NRG1: variants seen among roughly 807,000 people sequenced by gnomAD.
NRG1 encodes neuregulin 1, also known as pro-neuregulin-1, membrane-bound isoform.
A neutral mutation model predicts 63.8 loss-of-function variants in NRG1; 18 were observed. The observed-to-expected ratio is 0.28, with a 90% confidence interval of 0.19 to 0.42. The LOEUF (loss-of-function observed/expected upper bound fraction) is 0.42, where lower values mean the gene tolerates loss of function less well. Among genes scored for constraint, NRG1 ranks in the 10% least tolerant of loss-of-function variants. The pLI, the probability that NRG1 is intolerant of heterozygous loss-of-function variation, is 1.00. For missense variants in NRG1, 762 were observed against 814.7 expected (o/e 0.94, Z 0.79); for synonymous variants, 302 against 301.3 (o/e 1.00, Z -0.02).
intron 1 of NRG1, among the ~76,000 whole-genome samples, chr8:31,989,065 A>G (rs2010267): frequency 0.73 from 110,364 of 151,170 alleles, 41,331 homozygotes; most frequent in Non-Finnish European, 0.82. Flanking sequence ...CCTATCCAAC[A>G]TGGTAAAACC....
chr8:31,720,746 T>G (rs1455053287), intron 1 of NRG1, among the ~76,000 whole-genome samples: 1 of 152,174 alleles, frequency 6.6e-6, no homozygotes, highest in Non-Finnish European at 1.5e-5. Flanking sequence ...AAAGGAACAA[T>G]GCAGAGTTTA....
intron 1 of NRG1, among the ~76,000 whole-genome samples, chr8:31,672,060 G>T (rs2131003751): frequency 6.6e-6 from 1 of 152,168 alleles, no homozygotes; most frequent in East Asian, 1.9e-4. Context: ...TGTCTATTTG[G>T]ATTTGCTCAT....
At chr8:31,949,737 A>G (rs1803175064) in intron 1 of NRG1, among the ~76,000 whole-genome samples, 1 of 152,138 alleles carries the variant, frequency 6.6e-6, no homozygotes, top group Non-Finnish European at 1.5e-5. Flanking sequence ...CATTGTTGGT[A>G]CCACGTACAT....
chr8:32,756,472 C>T (rs768883572), exon 9 of NRG1: 1 of 1,613,746 alleles, frequency 6.2e-7, no homozygotes, highest in South Asian at 1.1e-5. Context: ...ATATGATGAA[C>T]ATTGCCAATG....
chr8:31,861,649 G>A (rs879658181), intron 1 of NRG1, among the ~76,000 whole-genome samples: 9 of 152,132 alleles, frequency 5.9e-5, no homozygotes, highest in East Asian at 1.9e-4. Context: ...GTAGGCACAG[G>A]CAAAGCCTAG....
intron 1 of NRG1, among the ~76,000 whole-genome samples, chr8:31,652,096 T>C (rs1367633187): frequency 6.6e-6 from 1 of 152,218 alleles, no homozygotes; most frequent in Non-Finnish European, 1.5e-5. Context: ...TGGTCGACAC[T>C]TATTTGGTGC....
At chr8:31,675,640 G>T (rs1308675741) in intron 1 of NRG1, among the ~76,000 whole-genome samples, 1 of 152,068 alleles carries the variant, frequency 6.6e-6, no homozygotes, top group African/African-American at 2.4e-5. Flanking sequence ...AAAACACTGG[G>T]CATCATTGTA....
intron 1 of NRG1, among the ~76,000 whole-genome samples, chr8:32,235,578 A>C (rs1847461191): frequency 6.6e-6 from 1 of 152,160 alleles, no homozygotes; most frequent in Admixed American, 6.5e-5. Context: ...ATGAGACCAG[A>C]AGGGGTCATT....
At position 32,637,744 on chromosome 8, in the gene NRG1, C is replaced by T. The variant is rs540893665; in HGVS notation, c.502+20859C>T. Among the ~76,000 whole-genome samples, 15 of 152,326 alleles carry T rather than the reference C, an allele frequency of 9.8e-5. No individual in the cohort carries two copies. In the South Asian group the frequency reaches 2.1e-3, roughly 21 times the overall value. On this transcript the variant is annotated intron_variant, in intron 5 of 11. Coordinates refer to ENST00000356819, the Ensembl canonical transcript of NRG1. ...TCCCACAATTCAGGTAGCGTCTAAT[C>T]TCCAGCCTGTTCTCAGGGGAAGTTG...
chr8:32,283,249 T>C (rs1261706341), intron 1 of NRG1, among the ~76,000 whole-genome samples: 1 of 152,192 alleles, frequency 6.6e-6, no homozygotes, highest in African/African-American at 2.4e-5. Context: ...TTTAGGCTCT[T>C]TTTTTCTTTT....
chr8:32,668,002 C>A (rs1001157600), intron 5 of NRG1, among the ~76,000 whole-genome samples: 5 of 152,046 alleles, frequency 3.3e-5, no homozygotes, highest in African/African-American at 1.2e-4. Context: ...CACCTGAGGG[C>A]AGGAGTTGGA....
intron 1 of NRG1, among the ~76,000 whole-genome samples, chr8:32,153,193 G>T (rs951530465): frequency 2.6e-5 from 4 of 152,224 alleles, no homozygotes; most frequent in Middle Eastern, 3.4e-3. Context: ...GCAGAAGGCC[G>T]GTGGGAGTAG....
At chr8:32,184,825 G>A (rs1841809677) in intron 1 of NRG1, among the ~76,000 whole-genome samples, 2 of 152,190 alleles carry the variant, frequency 1.3e-5, no homozygotes, top group African/African-American at 2.4e-5. Context: ...CAGAATGGCA[G>A]TGAGACTTAC....
chr8:31,814,886 G>A (rs1010586957), intron 1 of NRG1, among the ~76,000 whole-genome samples: 2 of 151,772 alleles, frequency 1.3e-5, no homozygotes, highest in African/African-American at 2.4e-5. Flanking sequence ...GTGCCCCCCT[G>A]CAAGCCTCTT....
chr8:32,360,413 T>C (rs536109666), intron 1 of NRG1, among the ~76,000 whole-genome samples: 29 of 152,332 alleles, frequency 1.9e-4, no homozygotes, highest in African/African-American at 6.7e-4. Flanking sequence ...GAAAAGATTT[T>C]ACAAAATCAT....
chr8:31,839,690 C>T (rs1274459580), intron 1 of NRG1, among the ~76,000 whole-genome samples: 1 of 152,120 alleles, frequency 6.6e-6, no homozygotes, highest in Non-Finnish European at 1.5e-5. Flanking sequence ...CAGTCAGTCA[C>T]AAAATGAAAA....
intron 1 of NRG1, among the ~76,000 whole-genome samples, chr8:32,583,024 T>G (rs904814385): frequency 1.3e-5 from 2 of 152,168 alleles, no homozygotes; most frequent in Non-Finnish European, 2.9e-5. Flanking sequence ...TTTCGGTAAC[T>G]TTTCTTGATA....
intron 1 of NRG1, among the ~76,000 whole-genome samples, chr8:31,817,527 G>A (rs999789097): frequency 1.2e-4 from 19 of 152,146 alleles, no homozygotes; most frequent in Non-Finnish European, 2.6e-4. Context: ...GCATTTGAAT[G>A]GGGGAAACAT....
chr8:32,300,251 G>C (rs76515646), intron 1 of NRG1, among the ~76,000 whole-genome samples: 2,781 of 152,118 alleles, frequency 0.018, 86 homozygotes, highest in African/African-American at 0.064. Context: ...TTTCAATAAG[G>C]TTAGATAACT....
Sources: allele counts gnomAD v4.1 joint callset (sites outside exome capture counted in the v4.1 genomes callset), GRCh38; gene constraint gnomAD v4.1.1; transcripts MANE v1.5; gene names NCBI Gene and HGNC (gene_info 2026-07-23, HGNC 2026-07-21).